The following CELF2 variants were observed in gnomAD, a reference collection of about 807,000 sequenced individuals.
CELF2 encodes the protein CUGBP Elav-like family member 2.
In CELF2, 8 loss-of-function variants were observed where a neutral mutation model predicts 62.6. The observed-to-expected ratio is 0.13, with a 90% CI of 0.07 to 0.23. The LOEUF is 0.23. CELF2 is among the 10% of genes least tolerant of loss of function. The probability of loss-of-function intolerance (pLI) is 1.00; values close to 1 mark genes in which losing one functional copy is unlikely to be tolerated. For synonymous variants in CELF2, 258 were observed against 250.0 expected (o/e 1.03, Z -0.30); for missense variants, 333 against 671.0 (o/e 0.50, Z 5.56).
intron 1 of CELF2, among the ~76,000 whole-genome samples, chr10:11,114,562 C>T (rs1013079628): frequency 9.2e-5 from 14 of 152,170 alleles, no homozygotes; most frequent in African/African-American, 3.1e-4. Flanking sequence ...GAAATTAAGA[C>T]CCATGGTTGG....
chr10:10,655,828 C>T, the CELF2 span, among the ~76,000 whole-genome samples: 13 of 137,778 alleles, frequency 9.4e-5, no homozygotes, highest in Non-Finnish European at 1.8e-4. Context: ...ACTTCATGTC[C>T]AAAACACCAA....
chr10:10,831,317 C>T (rs938416163), intron 1 of CELF2, among the ~76,000 whole-genome samples: 1 of 152,224 alleles, frequency 6.6e-6, no homozygotes, highest in South Asian at 2.1e-4. Context: ...AAGGTCGTGA[C>T]TCACACTGAG....
chr10:10,634,505 A>G, the CELF2 span, among the ~76,000 whole-genome samples: 1 of 152,196 alleles, frequency 6.6e-6, no homozygotes, highest in Non-Finnish European at 1.5e-5. Flanking sequence ...AAATTAGCTT[A>G]TATACAATTG....
At chr10:10,735,825 A>G in the CELF2 span, among the ~76,000 whole-genome samples, 4 of 152,148 alleles carry the variant, frequency 2.6e-5, no homozygotes, top group Non-Finnish European at 5.9e-5. Context: ...AGAAAGTTAA[A>G]CAACATTCTG....
At chr10:10,980,465 C>A (rs1447833459) in intron 2 of CELF2, among the ~76,000 whole-genome samples, 3 of 152,218 alleles carry the variant, frequency 2.0e-5, no homozygotes, top group Non-Finnish European at 4.4e-5. Context: ...TCGTGGCCTC[C>A]TTCTCTTGCT....
the CELF2 span, among the ~76,000 whole-genome samples, chr10:10,765,744 C>T: frequency 5.3e-5 from 8 of 152,206 alleles, no homozygotes; most frequent in African/African-American, 1.9e-4. Context: ...AGCACCGTGG[C>T]TTGTCCATTG....
the CELF2 span, among the ~76,000 whole-genome samples, chr10:10,605,879 C>T: frequency 2.6e-5 from 4 of 152,148 alleles, no homozygotes; most frequent in Non-Finnish European, 5.9e-5. Context: ...TTTGGAACTG[C>T]GATAGGGCCT....
At chr10:11,152,762 A>G (rs1196369665) in intron 1 of CELF2, among the ~76,000 whole-genome samples, 1 of 152,176 alleles carries the variant, frequency 6.6e-6, no homozygotes, top group East Asian at 1.9e-4. Context: ...AAACTTACAT[A>G]ACTCTTGTCA....
At chr10:10,518,725 T>TA in the CELF2 span, among the ~76,000 whole-genome samples, 207 of 69,024 alleles carry the variant, frequency 3.0e-3, 1 homozygote, top group African/African-American at 8.5e-3. Flanking sequence ...TGATTTTTTT[T>TA]TAAAAAAAAA....
intron 1 of CELF2, among the ~76,000 whole-genome samples, chr10:10,834,847 T>C (rs1306180174): frequency 1.3e-5 from 2 of 152,200 alleles, no homozygotes; most frequent in African/African-American, 4.8e-5. Context: ...GCAGCCTTCA[T>C]GGTGCTTGTC....
At position 11,220,295 on chromosome 10, in the gene CELF2, A is replaced by G. The variant is rs925323697; in HGVS notation, c.354+2788A>G. Among the ~76,000 whole-genome samples, 1 of 152,204 alleles carries G rather than the reference A, an allele frequency of 6.6e-6. No homozygotes were observed. Among genetic ancestry groups the G allele is most frequent in the South Asian group, 2.1e-4 (1 of 4,830 alleles). On this transcript the variant is annotated intron_variant, in intron 3 of 12. Coordinates refer to ENST00000633077, the MANE Select transcript of CELF2 (RefSeq NM_001326342.2). This position sits in a 1 kb window ranked among gnomAD's most constrained non-coding sequence, Gnocchi z 4.4. ...TTTTGTTTCATAAGGAACTTTTATT[A>G]TGCGGCCAAGCTTGATTGATGTTTG...
At chr10:10,935,859 A>T (rs1224027756) in intron 2 of CELF2, among the ~76,000 whole-genome samples, 1 of 152,032 alleles carries the variant, frequency 6.6e-6, no homozygotes, top group Non-Finnish European at 1.5e-5. Context: ...ACTTTTGTAA[A>T]GTAGAAAGAA....
At chr10:10,756,795 TAAAG>T in the CELF2 span, among the ~76,000 whole-genome samples, 3 of 152,168 alleles carry the variant, frequency 2.0e-5, no homozygotes, top group Non-Finnish European at 2.9e-5. Context: ...CAGATTGACT[TAAAG>T]AAGCAGTAAT....
At chr10:10,939,374 C>T (rs971284282) in intron 2 of CELF2, among the ~76,000 whole-genome samples, 1 of 152,098 alleles carries the variant, frequency 6.6e-6, no homozygotes, top group Non-Finnish European at 1.5e-5. Flanking sequence ...CCACCTCTGC[C>T]TCCTGGGTTC....
At chr10:11,063,992 G>C (rs2067444914) in intron 1 of CELF2, among the ~76,000 whole-genome samples, 2 of 152,164 alleles carry the variant, frequency 1.3e-5, no homozygotes, top group African/African-American at 4.8e-5. Context: ...CATTCACTCA[G>C]TTGAACTACA....
chr10:10,505,862 C>T, the CELF2 span, among the ~76,000 whole-genome samples: 2 of 152,182 alleles, frequency 1.3e-5, no homozygotes, highest in Non-Finnish European at 2.9e-5. Flanking sequence ...ATTGCTATTT[C>T]TGAATTGGCA....
chr10:10,864,699 C>T (rs1409066051), intron 1 of CELF2, among the ~76,000 whole-genome samples: 3 of 152,148 alleles, frequency 2.0e-5, no homozygotes, highest in African/African-American at 7.2e-5. Context: ...ACCTAATCAC[C>T]TCTCAAAGGC....
intron 2 of CELF2, among the ~76,000 whole-genome samples, chr10:11,197,059 A>AG (rs1565233617): frequency 4.1e-5 from 2 of 49,060 alleles, no homozygotes; most frequent in African/African-American, 8.2e-5. Flanking sequence ...GAAAGAAAGA[A>AG]AAGAAAGAAA....
intron 1 of CELF2, among the ~76,000 whole-genome samples, chr10:11,028,913 C>G (rs1272526675): frequency 6.6e-6 from 1 of 152,090 alleles, no homozygotes; most frequent in Non-Finnish European, 1.5e-5. Context: ...GGGGTTTCAC[C>G]ATATTGGCCA....
Sources: allele counts gnomAD v4.1 joint callset (sites outside exome capture counted in the v4.1 genomes callset), GRCh38; gene constraint gnomAD v4.1.1; non-coding constraint Gnocchi (gnomAD v3.1); transcripts MANE v1.5; gene names NCBI Gene and HGNC (gene_info 2026-07-23, HGNC 2026-07-21).